MCTP1: variants seen among roughly 807,000 people sequenced by gnomAD.
The protein encoded by MCTP1 is multiple C2 and transmembrane domain-containing protein 1.
A neutral mutation model predicts 120.6 loss-of-function variants in MCTP1; 69 were observed. That is an observed-to-expected ratio of 0.57 (90% CI 0.47 to 0.70). The LOEUF is 0.70. MCTP1 is among the 30% of genes least tolerant of loss of function. The probability of loss-of-function intolerance (pLI) is 0.00; values close to 1 mark genes in which losing one functional copy is unlikely to be tolerated. For missense variants in MCTP1, 1,203 were observed against 1,248.8 expected, an observed-to-expected ratio of 0.96 and a Z score of 0.55; for synonymous variants, 529 against 493.1, an observed-to-expected ratio of 1.07 and a Z score of -0.96.
intron 11 of MCTP1, among the ~76,000 whole-genome samples, 192 bp from the exon 12 acceptor site, chr5:94,889,164 A>T (rs944186261): frequency 6.6e-6 from 1 of 151,980 alleles, no homozygotes; most frequent in Non-Finnish European, 1.5e-5. Flanking sequence ...CTAGCTGAGG[A>T]TTAAATTACC....
At chr5:94,781,304 T>A (rs1776529116) in intron 18 of MCTP1, among the ~76,000 whole-genome samples, 1 of 152,088 alleles carries the variant, frequency 6.6e-6, no homozygotes, top group Admixed American at 6.6e-5. Flanking sequence ...ATATTTCAGG[T>A]GCTATGAAGG....
At position 94,737,459 on chromosome 5, in the gene MCTP1, CA is replaced by C. The variant is rs996492916; in HGVS notation, c.2611-22574del. 1.1e-3 allele frequency among the ~76,000 whole-genome samples: 172 copies of C among 152,230 alleles called. 2 individuals are homozygous for C. Among genetic ancestry groups the C allele is most frequent in the African/African-American group, 4.0e-3 (168 of 41,544 alleles). On this transcript the variant is annotated intron_variant, in intron 19 of 22. Transcript: ENST00000515393. ...GTCATTTATTACCAAAAATTCTTGT[CA>C]CTGTTTGAATACTAAATAGGGATGT... is the stretch of plus-strand genomic sequence containing the variant.
intron 17 of MCTP1, among the ~76,000 whole-genome samples, chr5:94,824,308 G>A (rs999809332): frequency 6.6e-6 from 1 of 152,142 alleles, no homozygotes; most frequent in Non-Finnish European, 1.5e-5. Flanking sequence ...TAATCATGTG[G>A]TTTTTGTCAT....
chr5:94,912,705 GCATTTAAAA>G lies in MCTP1; in HGVS notation c.1521+92_1521+100del, dbSNP rs1235931922. On this transcript the variant is annotated intron_variant, in intron 9 of 22. Transcript: ENST00000515393. ...CATGGTGTTCAAAAGAGTTTGTTAAGCATTTAAAACATTATCTAGTGGTTTCATCTCCTA... is the reference window on the plus strand; with the variant it reads ...CATGGTGTTCAAAAGAGTTTGTTAAGCATTATCTAGTGGTTTCATCTCCTA... The G allele has an allele frequency of 6.6e-6, 6 of 903,866 alleles. No individual in the cohort carries two copies. The African/African-American group carries it at 1.0e-4, about 16-fold the overall frequency. 56.0% of individuals were successfully genotyped at this position (903,866 alleles called of 1,614,324 possible).
intron 18 of MCTP1, among the ~76,000 whole-genome samples, chr5:94,791,154 C>T (rs186987681): frequency 1.7e-4 from 25 of 150,204 alleles, no homozygotes; most frequent in African/African-American, 5.9e-4. Flanking sequence ...CAAAAATTAG[C>T]CGGGTGCAGT....
At chr5:95,017,237 G>A in intron 2 of MCTP1, 130 bp downstream of exon 2, 1 of 548,544 alleles carries the variant, frequency 1.8e-6, no homozygotes, top group Non-Finnish European at 3.2e-6. Flanking sequence ...GTCAAACTGT[G>A]TCTTTGAATT....
chr5:94,780,175 A>C (rs1286689346), intron 18 of MCTP1, among the ~76,000 whole-genome samples: 2 of 151,566 alleles, frequency 1.3e-5, no homozygotes, highest in Non-Finnish European at 2.9e-5. Flanking sequence ...CTCTGAATAG[A>C]CTCAACAGAA....
chr5:95,257,830 C>CACACACACACACACACAG (rs1582677271), intron 1 of MCTP1, among the ~76,000 whole-genome samples: 5 of 152,106 alleles, frequency 3.3e-5, no homozygotes, highest in Non-Finnish European at 5.9e-5. Flanking sequence ...CACACACACA[C>CACACACACACACACACAG]AGACGGGAGT....
chr5:94,854,228 C>T (rs1794310719), intron 17 of MCTP1, among the ~76,000 whole-genome samples: 1 of 151,772 alleles, frequency 6.6e-6, no homozygotes, highest in Non-Finnish European at 1.5e-5. Context: ...GTTATATACG[C>T]CAAAACACAG....
At chr5:94,764,828 C>CAAAAAAAAAAA (rs57246943) in intron 19 of MCTP1, among the ~76,000 whole-genome samples, 40 of 90,922 alleles carry the variant, frequency 4.4e-4, no homozygotes, top group Middle Eastern at 6.8e-3. Context: ...TGACCTGGAC[C>CAAAAAAAAAAA]AAAAAAAAAA....
In MCTP1 at chr5:95,119,535, C is replaced by G. The variant is rs138108306; in HGVS notation, c.721-102051G>C. Among the ~76,000 whole-genome samples the G allele has an allele frequency of 6.7e-3, 1,013 of 151,766 alleles. 8 individuals carry two copies. Among genetic ancestry groups the G allele is most frequent in the African/African-American group, 0.023 (950 of 41,404 alleles). On this transcript the variant is annotated intron_variant, in intron 1 of 22. Transcript: ENST00000515393. ...AGAAAAGAAATAATAAATTTCAGAG[C>G]AAAAATAAGTTTGAAACGAAGAAAA... is the stretch of plus-strand genomic sequence containing the variant.
At chr5:94,982,772 C>T (rs1036950182) in intron 2 of MCTP1, among the ~76,000 whole-genome samples, 2 of 150,744 alleles carry the variant, frequency 1.3e-5, no homozygotes, top group Non-Finnish European at 3.0e-5. Context: ...GCCTGTAGTC[C>T]CAGCTACTCA....
At chr5:95,100,284 A>T (rs1756631122) in intron 1 of MCTP1, among the ~76,000 whole-genome samples, 1 of 152,180 alleles carries the variant, frequency 6.6e-6, no homozygotes. Context: ...AATAAAAAAA[A>T]ATTAAAAAAA....
At chr5:95,035,941 T>C (rs1841218013) in intron 1 of MCTP1, among the ~76,000 whole-genome samples, 1 of 152,120 alleles carries the variant, frequency 6.6e-6, no homozygotes, top group Non-Finnish European at 1.5e-5. Flanking sequence ...ACTCTTGTAT[T>C]ACTTAATGAC....
chr5:94,859,384 C>T (rs532097103), intron 17 of MCTP1, among the ~76,000 whole-genome samples: 1 of 151,670 alleles, frequency 6.6e-6, no homozygotes, highest in Non-Finnish European at 1.5e-5. Flanking sequence ...GTGTTCAATA[C>T]CCGCATATGG....
chr5:94,971,145 C>G lies in MCTP1; in HGVS notation c.839-17784G>C, dbSNP rs181693651. Among the ~76,000 whole-genome samples, 185 of 152,016 alleles carry G rather than the reference C, an allele frequency of 1.2e-3. 1 individual carries two copies. The highest frequency in any genetic ancestry group is 4.2e-3 in the African/African-American group (174 of 41,488). ...GGCTCTGTTGTATACAGTTTTGTAT[C>G]CTTAAAATGAGGGGATTTCCCAAAT... On this transcript the variant is annotated intron_variant, in intron 2 of 22. Coordinates refer to ENST00000515393, the MANE Select transcript of MCTP1 (RefSeq NM_024717.7).
chr5:94,994,685 T>C (rs1386188499), intron 2 of MCTP1, among the ~76,000 whole-genome samples: 1 of 152,128 alleles, frequency 6.6e-6, no homozygotes, highest in Non-Finnish European at 1.5e-5. Context: ...TGTTCCTGGG[T>C]GTGTCTGTGA....
At chr5:95,182,045 A>AAAAAT (rs1444030563) in intron 1 of MCTP1, among the ~76,000 whole-genome samples, 1 of 152,236 alleles carries the variant, frequency 6.6e-6, no homozygotes, top group African/African-American at 2.4e-5. Context: ...AAAATAAAAT[A>AAAAAT]AAAATAAAAT....
At chr5:94,739,425 CTTAAA>C (rs1323753179) in intron 19 of MCTP1, 1 of 152,022 alleles carries the variant, frequency 6.6e-6, no homozygotes, top group African/African-American at 2.4e-5. Flanking sequence ...GGACTTTGTT[CTTAAA>C]TTAATTTAAA....
Sources: gnomAD v4.1 joint callset for allele counts (sites outside exome capture counted in the v4.1 genomes callset) on GRCh38, gnomAD v4.1.1 for gene constraint, MANE v1.5 for transcripts, NCBI Gene and HGNC (gene_info 2026-07-23, HGNC 2026-07-21) for gene names.